Variants in RELB observed in about 807,000 individuals in gnomAD.
RELB encodes the protein transcription factor RelB.
Under a neutral mutation model 55.4 loss-of-function variants are expected in RELB, and 14 were observed. The ratio of observed to expected loss-of-function variants is 0.25; its 90% CI spans 0.17 to 0.40. The LOEUF is 0.40. RELB is among the 10% of genes least tolerant of loss of function. The pLI is 1.00. For synonymous variants in RELB, 409 were observed against 371.3 expected, an observed-to-expected ratio of 1.10 and a Z score of -1.17; for missense variants, 669 against 830.7, an observed-to-expected ratio of 0.81 and a Z score of 2.39.
chr19:45,037,321 G>T (rs1190279333), intron 11 of RELB, 84 bp from the exon 12 acceptor site: 3 of 1,304,620 alleles, frequency 2.3e-6, no homozygotes, highest in African/African-American at 1.6e-5. Context: ...ATCACATTTT[G>T]CAGGGAGTAG....
chr19:45,011,889 A>C, intron 3 of RELB, 47 bp from the exon 4 acceptor site: 1 of 1,056,548 alleles, frequency 9.5e-7, no homozygotes, highest in Non-Finnish European at 1.2e-6. Flanking sequence ...TTTTTTTTTA[A>C]TTTTTTAAAG....
At chr19:45,016,764 G>A (rs1971424910) in intron 4 of RELB, among the ~76,000 whole-genome samples, 1 of 152,184 alleles carries the variant, frequency 6.6e-6, no homozygotes, top group Non-Finnish European at 1.5e-5. Context: ...GACTAAAGTG[G>A]AAGTATTGCT....
At chr19:45,011,899 G>T in intron 3 of RELB, 37 bp from the exon 4 acceptor site, 1,036 of 931,418 alleles carry the variant, frequency 1.1e-3, no homozygotes, top group Non-Finnish European at 1.4e-3. Flanking sequence ...ATTTTTTAAA[G>T]AATGGGCGTC....
chr19:45,011,443 T>G (rs9749077), intron 3 of RELB, among the ~76,000 whole-genome samples: 51,448 of 151,950 alleles, frequency 0.34, 10,171 homozygotes, highest in Non-Finnish European at 0.45. Context: ...ATTACAGGCA[T>G]GAGCCACCGC....
intron 1 of RELB, among the ~76,000 whole-genome samples, chr19:45,002,384 G>A (rs931084229): frequency 3.3e-5 from 5 of 151,962 alleles, no homozygotes; most frequent in African/African-American, 4.8e-5. Flanking sequence ...ATGGAGTCTC[G>A]CTCTGTCGCC....
intron 7 of RELB, among the ~76,000 whole-genome samples, chr19:45,028,339 T>C (rs1319172215): frequency 6.6e-6 from 1 of 151,562 alleles, no homozygotes; most frequent in African/African-American, 2.4e-5. Context: ...TTCTTTTGTT[T>C]TGTTATTTTT....
intron 3 of RELB, 141 bp from the exon 4 acceptor site, chr19:45,011,795 T>TGAGAGAGAGA (rs1264803219): frequency 4.0e-5 from 8 of 199,880 alleles, no homozygotes; most frequent in African/African-American, 1.3e-4. Context: ...TGTGTGTGTG[T>TGAGAGAGAGA]GTGAGAGAGA....
intron 8 of RELB, among the ~76,000 whole-genome samples, chr19:45,030,658 T>A (rs1248171865): frequency 6.6e-6 from 1 of 150,584 alleles, no homozygotes; most frequent in Admixed American, 6.6e-5. Context: ...TAGCCAGGCA[T>A]GTTGGGGCAT....
rs1469761737 is a variant in RELB at position 45,012,101 on chromosome 19, C to G, written c.329C>G (p.Pro110Arg). The G allele has an allele frequency of 1.9e-6, 3 of 1,555,572 alleles. No homozygotes were observed. Among genetic ancestry groups the G allele is most frequent in the Non-Finnish European group, 8.6e-7 (1 of 1,157,804 alleles). ...GCCACGCCGCCGCCTTGGGGCTGCCCCCTGGGCCGACTAGTGTCCCCAGCG... is the reference window on the plus strand; with the variant it reads ...GCCACGCCGCCGCCTTGGGGCTGCCGCCTGGGCCGACTAGTGTCCCCAGCG... ...PPATPPPWGCPLGRLVSPAPG... is the reference protein window; with the variant it reads ...PPATPPPWGCRLGRLVSPAPG... Residue 110 changes from proline to arginine, a missense_variant, in exon 4 of 12, where the codon CCC (proline) becomes CGC (arginine). Coordinates refer to ENST00000221452, the MANE Select transcript of RELB (RefSeq NM_006509.4).
At chr19:45,021,972 C>G in intron 4 of RELB, 81 bp from the exon 5 acceptor site, 1 of 1,381,440 alleles carries the variant, frequency 7.2e-7, no homozygotes, top group Non-Finnish European at 9.8e-7. Context: ...GATTGGGGAG[C>G]TGCCAAGGAA....
intron 4 of RELB, among the ~76,000 whole-genome samples, chr19:45,018,779 C>T (rs1971450692): frequency 6.6e-6 from 1 of 151,036 alleles, no homozygotes; most frequent in South Asian, 2.1e-4. Context: ...CAGGTTCAAG[C>T]GATTCTCCTG....
chr19:45,006,753 G>A (rs910205279), intron 2 of RELB, among the ~76,000 whole-genome samples: 1 of 151,520 alleles, frequency 6.6e-6, no homozygotes, highest in Non-Finnish European at 1.5e-5. Context: ...CTGAGGTCAG[G>A]AGTTCAAGAC....
intron 8 of RELB, 65 bp downstream of exon 8, chr19:45,029,057 G>A: frequency 1.8e-6 from 2 of 1,114,626 alleles, no homozygotes; most frequent in East Asian, 2.6e-5. Flanking sequence ...GGTAGCCAGG[G>A]AGCCCGGGAA....
chr19:45,027,970 C>T (rs923878691), intron 7 of RELB, among the ~76,000 whole-genome samples: 1 of 152,056 alleles, frequency 6.6e-6, no homozygotes, highest in African/African-American at 2.4e-5. Flanking sequence ...AGCCTGAACT[C>T]CTGGGCTCAA....
chr19:45,009,900 T>C, intron 3 of RELB, 78 bp downstream of exon 3: 2 of 1,279,656 alleles, frequency 1.6e-6, no homozygotes, highest in South Asian at 1.2e-5. Flanking sequence ...CCTTCCTTGT[T>C]CAGTGGGGGT....
intron 2 of RELB, among the ~76,000 whole-genome samples, chr19:45,008,963 C>A (rs763979856): frequency 2.6e-5 from 4 of 152,174 alleles, no homozygotes; most frequent in Non-Finnish European, 5.9e-5. Flanking sequence ...TACTGTACCT[C>A]CTCACTTAGG....
rs1971637750 is a variant in RELB at position 45,032,606 on chromosome 19, G to A, written c.1064G>A (p.Arg355His). The change falls in exon 9 of 12, where the codon CGC becomes CAC. Residue 355 changes from arginine to histidine, a missense_variant. Arg to His is a conservative substitution (Grantham distance 29, BLOSUM62 0). Around this residue, in one of 3 missense-constraint regions of RELB, gnomAD observed 341 missense variants for 436.8 expected, o/e 0.78. Coordinates refer to ENST00000221452, the MANE Select transcript of RELB (RefSeq NM_006509.4). ...GACTTCTCCCAGGCCGACGTGCACC[G>A]CCAGATTGCCATTGTGTTCAAGACG... ...RADFSQADVH[R>H]QIAIVFKTPP... 2 of 1,613,434 alleles carry A rather than the reference G, an allele frequency of 1.2e-6. No individual in the cohort carries two copies. Among genetic ancestry groups the A allele is most frequent in the Non-Finnish European group, 1.7e-6 (2 of 1,179,744 alleles).
In RELB at chr19:45,037,784, C is replaced by G; in HGVS notation, c.1734C>G (p.Ala578=). 5 of 1,481,808 alleles carry G rather than the reference C, an allele frequency of 3.4e-6. No homozygotes were observed. The highest frequency in any genetic ancestry group is 4.5e-6 in the Non-Finnish European group (5 of 1,119,232). 91.8% of individuals were successfully genotyped at this position (1,481,808 alleles called of 1,614,324 possible). Reference sequence around the variant, plus strand: ...GCCTCCTATCCCCGGGGCCTGAAGCCACGTAGCCCCGCGATGCCAGAGGAG... The same window carrying G: ...GCCTCCTATCCCCGGGGCCTGAAGCGACGTAGCCCCGCGATGCCAGAGGAG... ...GGGLLSPGPE[A]T Residue 578 remains alanine (A), a synonymous_variant, in exon 12 of 12, where the codon GCC becomes GCG. Transcript: ENST00000221452.
intron 5 of RELB, among the ~76,000 whole-genome samples, chr19:45,023,003 C>T (rs549265554): frequency 6.6e-6 from 1 of 152,316 alleles, no homozygotes; most frequent in East Asian, 1.9e-4. Context: ...CTGTGTTACA[C>T]TGACTTTGGG....
Sources: gnomAD v4.1 joint callset for allele counts (sites outside exome capture counted in the v4.1 genomes callset) on GRCh38, gnomAD v4.1.1 for gene constraint, gnomAD v4.1.1 regional missense constraint, MANE v1.5 for transcripts, NCBI Gene and HGNC (gene_info 2026-07-23, HGNC 2026-07-21) for gene names.